The following GRM7 variants were observed in gnomAD, a reference collection of about 807,000 sequenced individuals.
GRM7 encodes the protein glutamate metabotropic receptor 7.
Under a neutral mutation model 84.5 loss-of-function variants are expected in GRM7, and 35 were observed. The ratio of observed to expected loss-of-function variants is 0.41; its 90% CI spans 0.32 to 0.55. The LOEUF (loss-of-function observed/expected upper bound fraction) is 0.55, where lower values mean the gene tolerates loss of function less well. GRM7 is among the 20% of genes least tolerant of loss of function. The pLI is 0.19. For synonymous variants in GRM7, 487 were observed against 455.1 expected (o/e 1.07, Z -0.89); for missense variants, 1,003 against 1,194.6 (o/e 0.84, Z 2.36).
chr3:7,332,997 A>G (rs954186959), intron 4 of GRM7, among the ~76,000 whole-genome samples: 1 of 152,090 alleles, frequency 6.6e-6, no homozygotes, highest in Admixed American at 6.6e-5. Context: ...TCCCCCTTCT[A>G]CTACCATAGC....
rs137913267 is a variant in GRM7, at chr3:7,331,678, T to A, written c.1033+25026T>A. Among the ~76,000 whole-genome samples, 281 of 152,284 alleles carry A rather than the reference T, an allele frequency of 1.8e-3. 1 individual carries two copies. The highest frequency in any genetic ancestry group is 4.1e-3 in the South Asian group (20 of 4,824). On this transcript the variant is annotated intron_variant, in intron 4 of 9. Transcript: ENST00000357716. The stretch of plus-strand genomic sequence containing the variant: ...CCAGGAGCTTTTGGGAAAACCTATA[T>A]CATAGCACAGTATCTCATGTGTTGG...
intron 7 of GRM7, among the ~76,000 whole-genome samples, chr3:7,500,023 C>G (rs1159072441): frequency 6.6e-6 from 1 of 152,170 alleles, no homozygotes; most frequent in Admixed American, 6.5e-5. Context: ...ATCTACCCGC[C>G]TTGGCCTCCC....
intron 1 of GRM7, among the ~76,000 whole-genome samples, chr3:7,106,326 A>G (rs1008532050): frequency 6.6e-6 from 1 of 151,740 alleles, no homozygotes; most frequent in Non-Finnish European, 1.5e-5. Context: ...CAACATGCAT[A>G]TAGTATGCAG....
At chr3:6,925,942 A>G (rs1697283186) in intron 1 of GRM7, among the ~76,000 whole-genome samples, 1 of 152,076 alleles carries the variant, frequency 6.6e-6, no homozygotes, top group South Asian at 2.1e-4. Flanking sequence ...TAGGCTCCTC[A>G]CCATTTTGTT....
chr3:7,041,694 C>T (rs930330282), intron 1 of GRM7, among the ~76,000 whole-genome samples: 2 of 152,152 alleles, frequency 1.3e-5, no homozygotes, highest in African/African-American at 4.8e-5. Context: ...GGTCTTCCTC[C>T]CTGTTTCCTG....
chr3:7,281,365 A>G (rs1227713397), intron 2 of GRM7, among the ~76,000 whole-genome samples: 1 of 152,136 alleles, frequency 6.6e-6, no homozygotes, highest in Admixed American at 6.5e-5. Flanking sequence ...TGTGTTTCAT[A>G]TGTCTTCTGT....
intron 1 of GRM7, among the ~76,000 whole-genome samples, chr3:6,883,643 T>C (rs1030119516): frequency 6.6e-6 from 1 of 152,214 alleles, no homozygotes; most frequent in African/African-American, 2.4e-5. Flanking sequence ...AGATGGCATT[T>C]TAGGTTGTAT....
intron 9 of GRM7, among the ~76,000 whole-genome samples, chr3:7,688,592 AC>A (rs2125148724): frequency 6.6e-6 from 1 of 152,302 alleles, no homozygotes; most frequent in African/African-American, 2.4e-5. Flanking sequence ...CACGTGATTT[AC>A]TTGTTCAGGT....
chr3:7,467,179 C>A (rs1463384861), intron 7 of GRM7, among the ~76,000 whole-genome samples: 2 of 152,090 alleles, frequency 1.3e-5, no homozygotes, highest in Admixed American at 6.5e-5. Context: ...CCTCCGCCTC[C>A]CAGGTTCAAA....
At chr3:7,123,257 G>A (rs1429277783) in intron 1 of GRM7, among the ~76,000 whole-genome samples, 7 of 152,218 alleles carry the variant, frequency 4.6e-5, no homozygotes, top group African/African-American at 7.2e-5. Flanking sequence ...CAATGATGGG[G>A]AGGTCAGAGT....
chr3:7,607,265 C>T (rs1230455437), intron 8 of GRM7: 3 of 144,138 alleles, frequency 2.1e-5, no homozygotes, highest in Non-Finnish European at 4.4e-5. Flanking sequence ...ATTAAATAAG[C>T]ATTGTAGTGG....
intron 1 of GRM7, among the ~76,000 whole-genome samples, chr3:7,082,416 G>T (rs1426527964): frequency 6.6e-6 from 1 of 151,978 alleles, no homozygotes; most frequent in African/African-American, 2.4e-5. Context: ...TAAAAAAAAA[G>T]ATTACTTTCA....
At chr3:7,645,851 G>T (rs1439981049) in intron 8 of GRM7, among the ~76,000 whole-genome samples, 1 of 152,156 alleles carries the variant, frequency 6.6e-6, no homozygotes, top group Non-Finnish European at 1.5e-5. Context: ...CATGTCCAAA[G>T]TCTCCTGGGA....
intron 8 of GRM7, among the ~76,000 whole-genome samples, chr3:7,661,648 G>C (rs1699449826): frequency 6.6e-6 from 1 of 151,654 alleles, no homozygotes; most frequent in Admixed American, 6.6e-5. Flanking sequence ...CAAAAAATTA[G>C]CCGGGCGTCG....
At chr3:7,659,624 T>C (rs1575602525) in intron 8 of GRM7, among the ~76,000 whole-genome samples, 1 of 152,188 alleles carries the variant, frequency 6.6e-6, no homozygotes, top group Non-Finnish European at 1.5e-5. Context: ...ATTATGTAAG[T>C]GAGACATCTG....
chr3:7,733,420 A>G (rs1394764400), intron 9 of GRM7, among the ~76,000 whole-genome samples: 1 of 152,150 alleles, frequency 6.6e-6, no homozygotes, highest in African/African-American at 2.4e-5. Flanking sequence ...CCTGAATAAG[A>G]TGTTTGTTTC....
intron 8 of GRM7, among the ~76,000 whole-genome samples, chr3:7,653,850 C>T (rs1042959080): frequency 8.5e-5 from 13 of 152,174 alleles, no homozygotes; most frequent in African/African-American, 1.7e-4. Flanking sequence ...GGTAAAGTTA[C>T]ACCCATTTTA....
In GRM7 at chr3:7,011,957, T is replaced by C. The variant is rs143068983; in HGVS notation, c.520-134495T>C. Among the ~76,000 whole-genome samples the C allele has an allele frequency of 3.3e-5, 5 of 152,328 alleles. No homozygotes were observed. The East Asian group carries it at 9.7e-4, about 29-fold the overall frequency. ...CCTTTGTCTTGCAAATGAAGGTTCC[T>C]AGAAGAGAGTGTTCTTCTCAAATAA... On this transcript the variant is annotated intron_variant, in intron 1 of 9. Coordinates refer to ENST00000357716, the MANE Select transcript of GRM7 (RefSeq NM_000844.4).
At chr3:6,920,521 A>C (rs1372628607) in intron 1 of GRM7, among the ~76,000 whole-genome samples, 1 of 151,566 alleles carries the variant, frequency 6.6e-6, no homozygotes, top group Non-Finnish European at 1.5e-5. Flanking sequence ...GTGCCACTGC[A>C]CTGCAGCCTG....
Sources: gnomAD v4.1 joint callset for allele counts (sites outside exome capture counted in the v4.1 genomes callset) on GRCh38, gnomAD v4.1.1 for gene constraint, MANE v1.5 for transcripts, NCBI Gene and HGNC (gene_info 2026-07-23, HGNC 2026-07-21) for gene names.